REPS2: variants seen among roughly 807,000 people sequenced by gnomAD.
REPS2 encodes the protein RALBP1 associated Eps domain containing 2.
A neutral mutation model predicts 53.6 loss-of-function variants in REPS2; 23 were observed. That is an observed-to-expected ratio of 0.43 (90% CI 0.31 to 0.61). The LOEUF (loss-of-function observed/expected upper bound fraction) is 0.61. REPS2 is among the 20% of genes least tolerant of loss of function. The pLI is 0.11. For missense variants in REPS2, 446 were observed against 534.9 expected (o/e 0.83, Z 1.64); for synonymous variants, 238 against 218.6 (o/e 1.09, Z -0.78).
At position 16,949,411 on chromosome X, in the gene REPS2, A is replaced by G. The variant is rs755804349; in HGVS notation, c.273+2277A>G. ...TGGTCTATAAAAATACTTATTTTTT[A>G]TTTATTTATTTTTTGAGATGGAGTC... On this transcript the variant is annotated intron_variant, in intron 1 of 17. Transcript: ENST00000357277. Among the ~76,000 whole-genome samples, 9 of 112,035 alleles carry G rather than the reference A, an allele frequency of 8.0e-5. No individual in the cohort carries two copies. In the East Asian group the frequency reaches 1.7e-3, roughly 21 times the overall value.
Position 16,947,011 on chromosome X carries a change from C to T in REPS2, c.150C>T (p.Gly50=), listed in dbSNP as rs2060442644. Residue 50 remains glycine, a synonymous_variant, in exon 1 of 18, where the codon GGC becomes GGT. Coordinates refer to ENST00000357277, the MANE Select transcript of REPS2 (RefSeq NM_004726.3). ...TCGCGCGCTGTGCCGGCGCCGCGGG[C>T]GGGGGCCCCGGGTCTGGGCCCCCCG... ...ELFARCAGAA[G]GGPGSGPPEA... The T allele has an allele frequency of 1.1e-6, 1 of 942,518 alleles. No homozygotes were observed. The highest frequency in any genetic ancestry group is 1.3e-6 in the Non-Finnish European group (1 of 761,865). 77.7% of individuals were successfully genotyped at this position (942,518 alleles called of 1,213,427 possible).
chrX:16,965,816 C>T (rs2060755646), intron 1 of REPS2, among the ~76,000 whole-genome samples: 1 of 112,699 alleles, frequency 8.9e-6, no homozygotes, highest in Non-Finnish European at 1.9e-5. Context: ...CCAGCCTGGG[C>T]ACCATTGAGC....
chrX:17,027,330 C>T (rs2061657586), intron 4 of REPS2, among the ~76,000 whole-genome samples: 1 of 112,244 alleles, frequency 8.9e-6, no homozygotes, highest in African/African-American at 3.2e-5. Flanking sequence ...TATGTGTTTG[C>T]CATCTTTCCT....
the REPS2 span, among the ~76,000 whole-genome samples, chrX:17,181,822 T>C: frequency 8.9e-6 from 1 of 112,026 alleles, no homozygotes; most frequent in Non-Finnish European, 1.9e-5. Context: ...CCAATTCAAG[T>C]AGGGCCTGTG....
At chrX:17,183,340 CTT>C in the REPS2 span, among the ~76,000 whole-genome samples, 1 of 112,173 alleles carries the variant, frequency 8.9e-6, no homozygotes, top group Non-Finnish European at 1.9e-5. Flanking sequence ...AAATGATACA[CTT>C]ATTCACTACA....
At chrX:16,955,105 G>A (rs916326135) in intron 1 of REPS2, among the ~76,000 whole-genome samples, 5 of 111,183 alleles carry the variant, frequency 4.5e-5, no homozygotes, top group African/African-American at 9.8e-5. Flanking sequence ...GAGCCACCGC[G>A]CCTGGCCTAT....
intron 14 of REPS2, among the ~76,000 whole-genome samples, chrX:17,104,610 A>C (rs184293027): frequency 9.0e-6 from 1 of 111,664 alleles, no homozygotes. Context: ...CACTGAAACC[A>C]CTTTTAACAC....
chrX:16,979,160 T>G (rs2060991601), intron 1 of REPS2, among the ~76,000 whole-genome samples: 1 of 112,029 alleles, frequency 8.9e-6, no homozygotes, highest in Admixed American at 9.5e-5. Flanking sequence ...CTAGAATTAT[T>G]TTGAGTGCTC....
intron 13 of REPS2, chrX:17,100,286 T>A: frequency 1.8e-6 from 1 of 554,021 alleles, no homozygotes; most frequent in Non-Finnish European, 3.2e-6. Flanking sequence ...TAGCACCTCC[T>A]CCACTTTCTT....
chrX:17,072,078 T>C (rs772611501), intron 11 of REPS2, among the ~76,000 whole-genome samples: 1 of 111,676 alleles, frequency 9.0e-6, no homozygotes, highest in Admixed American at 9.5e-5. Flanking sequence ...TAGCAGCTGC[T>C]CCATTGCCAA....
intron 14 of REPS2, among the ~76,000 whole-genome samples, chrX:17,130,709 A>G (rs2063280342): frequency 1.2e-5 from 1 of 80,194 alleles, no homozygotes; most frequent in Non-Finnish European, 2.4e-5. Context: ...TATGTCTTGA[A>G]TGAGTAACAC....
At chrX:17,137,461 T>C (rs919786850) in intron 16 of REPS2, 7 of 112,378 alleles carry the variant, frequency 6.2e-5, no homozygotes, top group Non-Finnish European at 5.6e-5. Context: ...TGCCCACTTT[T>C]AATTGGATTA....
At chrX:17,189,781 G>C in the REPS2 span, among the ~76,000 whole-genome samples, 1 of 110,776 alleles carries the variant, frequency 9.0e-6, no homozygotes, top group Non-Finnish European at 1.9e-5. Context: ...TCCACTTCCA[G>C]GTGTAGAGTA....
At chrX:17,193,608 G>A in the REPS2 span, among the ~76,000 whole-genome samples, 1 of 111,648 alleles carries the variant, frequency 9.0e-6, no homozygotes. Flanking sequence ...GTTATGACAG[G>A]CAGAATGTGT....
intron 13 of REPS2, among the ~76,000 whole-genome samples, chrX:17,090,444 C>G (rs2062600009): frequency 9.0e-6 from 1 of 111,240 alleles, no homozygotes; most frequent in African/African-American, 3.3e-5. Flanking sequence ...GACCTGCCCC[C>G]ATGGTTCAAT....
At chrX:17,130,350 A>C (rs2063275580) in intron 14 of REPS2, among the ~76,000 whole-genome samples, 2 of 111,422 alleles carry the variant, frequency 1.8e-5, no homozygotes, top group African/African-American at 6.5e-5. Flanking sequence ...CATCTTGGGG[A>C]TTGACCTTAG....
chrX:16,962,916 G>A (rs2060684105), intron 1 of REPS2, among the ~76,000 whole-genome samples: 1 of 111,103 alleles, frequency 9.0e-6, no homozygotes, highest in Non-Finnish European at 1.9e-5. Flanking sequence ...GCAACGTAGT[G>A]AGAAACCTGT....
chrX:17,088,835 G>A (rs1038017094), intron 13 of REPS2, among the ~76,000 whole-genome samples: 3 of 110,345 alleles, frequency 2.7e-5, no homozygotes, highest in Admixed American at 9.7e-5. Context: ...CACCTGCCTC[G>A]GCCTCCCAAA....
chrX:17,101,140 A>G (rs1239961591), intron 13 of REPS2, among the ~76,000 whole-genome samples: 2 of 91,386 alleles, frequency 2.2e-5, no homozygotes, highest in Non-Finnish European at 4.3e-5. Flanking sequence ...TGAAAGCTCC[A>G]CCTCTCGGGT....
Sources: gnomAD v4.1 joint callset for allele counts (sites outside exome capture counted in the v4.1 genomes callset) on GRCh38, gnomAD v4.1.1 for gene constraint, MANE v1.5 for transcripts, NCBI Gene and HGNC (gene_info 2026-07-23, HGNC 2026-07-21) for gene names.